FANCL: variants seen among roughly 807,000 people sequenced by gnomAD.
FANCL encodes FA complementation group L, also known as E3 ubiquitin-protein ligase FANCL.
Under a neutral mutation model 59.4 loss-of-function variants are expected in FANCL, and 69 were observed. That is an observed-to-expected ratio of 1.16 (90% confidence interval 0.96 to 1.42). The LOEUF (loss-of-function observed/expected upper bound fraction) is 1.42. Among genes scored for constraint, FANCL ranks in the 40% most tolerant of loss-of-function variants. FANCL has a pLI of 0.00. For synonymous variants in FANCL, 180 were observed against 147.1 expected, an observed-to-expected ratio of 1.22 and a Z score of -1.62; for missense variants, 519 against 447.2, an observed-to-expected ratio of 1.16 and a Z score of -1.45.
At chr2:58,174,724 A>T (rs1410926394) in intron 7 of FANCL, among the ~76,000 whole-genome samples, 1 of 152,212 alleles carries the variant, frequency 6.6e-6, no homozygotes, top group East Asian at 1.9e-4. Context: ...TCACAATTAA[A>T]AGAACTAGAA....
intron 1 of FANCL, 113 bp downstream of exon 1, chr2:58,241,105 C>G: frequency 8.9e-7 from 1 of 1,118,372 alleles, no homozygotes; most frequent in Non-Finnish European, 1.3e-6. Context: ...ACGCGCCGCC[C>G]CTCTCAATCC....
chr2:58,207,386 TAGTTA>T (rs922029412), intron 5 of FANCL, among the ~76,000 whole-genome samples: 3 of 152,168 alleles, frequency 2.0e-5, no homozygotes, highest in African/African-American at 7.2e-5. Flanking sequence ...GTGGGTTTTT[TAGTTA>T]AGTTAATTTA....
intron 11 of FANCL, 129 bp from the exon 12 acceptor site, chr2:58,161,767 A>G: frequency 1.5e-6 from 1 of 671,364 alleles, no homozygotes; most frequent in Non-Finnish European, 2.7e-6. Context: ...AGGATAATTA[A>G]GATATTCATC....
intron 3 of FANCL, 73 bp from the exon 4 acceptor site, chr2:58,226,857 T>A: frequency 8.0e-7 from 1 of 1,246,388 alleles, no homozygotes; most frequent in Non-Finnish European, 1.2e-6. Context: ...TAAAAAAATG[T>A]AGGCCCAAGT....
intron 7 of FANCL, among the ~76,000 whole-genome samples, chr2:58,170,611 T>C (rs1339296712): frequency 2.0e-5 from 3 of 151,822 alleles, no homozygotes; most frequent in African/African-American, 7.3e-5. Context: ...CTATGCTGTA[T>C]TCAGGAGATC....
chr2:58,186,293 C>G (rs1323266677), intron 7 of FANCL, among the ~76,000 whole-genome samples: 1 of 152,098 alleles, frequency 6.6e-6, no homozygotes, highest in African/African-American at 2.4e-5. Flanking sequence ...AGGTAAATTT[C>G]TGGGCCATAA....
intron 7 of FANCL, among the ~76,000 whole-genome samples, chr2:58,186,155 A>C (rs1428764793): frequency 6.6e-6 from 1 of 152,204 alleles, no homozygotes; most frequent in East Asian, 1.9e-4. Flanking sequence ...TTTGATTTAT[A>C]AATTGATTTT....
intron 5 of FANCL, among the ~76,000 whole-genome samples, chr2:58,206,894 C>T (rs1690642549): frequency 6.6e-6 from 1 of 152,134 alleles, no homozygotes; most frequent in Admixed American, 6.6e-5. Flanking sequence ...AGAAAGAAAC[C>T]TTACTGTGAT....
chr2:58,169,528 G>A (rs1686321704), intron 7 of FANCL, among the ~76,000 whole-genome samples: 1 of 151,990 alleles, frequency 6.6e-6, no homozygotes, highest in South Asian at 2.1e-4. Flanking sequence ...GCCAGCAAGG[G>A]AACAAAACTG....
chr2:58,215,702 G>C (rs1253332447), intron 5 of FANCL, among the ~76,000 whole-genome samples: 1 of 136,476 alleles, frequency 7.3e-6, no homozygotes, highest in Non-Finnish European at 1.5e-5. Context: ...GCTATTAAGT[G>C]GCAAAAAAAA....
At chr2:58,241,332 A>G, upstream of FANCL, 2 of 1,613,184 alleles carry the variant, frequency 1.2e-6, no homozygotes, top group Non-Finnish European at 1.7e-6. Context: ...GTCCGGAGAA[A>G]CACAGAAAAG....
chr2:58,198,238 A>G (rs914135790), intron 7 of FANCL, among the ~76,000 whole-genome samples: 2 of 152,202 alleles, frequency 1.3e-5, no homozygotes, highest in Admixed American at 1.3e-4. Context: ...TATAATGACT[A>G]CCTAAGTAAA....
At chr2:58,213,110 C>T (rs1691343622) in intron 5 of FANCL, among the ~76,000 whole-genome samples, 1 of 152,096 alleles carries the variant, frequency 6.6e-6, no homozygotes, top group Non-Finnish European at 1.5e-5. Context: ...GACAAATCTA[C>T]AAGATTATTA....
chr2:58,205,800 A>C (rs1690527966), intron 5 of FANCL, among the ~76,000 whole-genome samples: 4 of 152,104 alleles, frequency 2.6e-5, no homozygotes, highest in Non-Finnish European at 1.5e-5. Context: ...AGTATGACTG[A>C]TATACTGGCA....
chr2:58,177,174 C>G (rs1438734549), intron 7 of FANCL, among the ~76,000 whole-genome samples: 1 of 152,294 alleles, frequency 6.6e-6, no homozygotes, highest in Admixed American at 6.5e-5. Flanking sequence ...CACTTTTACA[C>G]TGTTGGTGGG....
intron 7 of FANCL, among the ~76,000 whole-genome samples, chr2:58,185,762 G>T (rs964507970): frequency 6.6e-6 from 1 of 152,038 alleles, no homozygotes; most frequent in Non-Finnish European, 1.5e-5. Flanking sequence ...TTGAATTATT[G>T]CTTAAGAAGC....
chr2:58,186,315 A>G (rs1178345354), intron 7 of FANCL, among the ~76,000 whole-genome samples: 1 of 152,156 alleles, frequency 6.6e-6, no homozygotes, highest in Non-Finnish European at 1.5e-5. Context: ...TATGATTGGT[A>G]TATTTGGACC....
chr2:58,205,848 G>A (rs1387865048), intron 5 of FANCL, among the ~76,000 whole-genome samples: 1 of 151,916 alleles, frequency 6.6e-6, no homozygotes, highest in East Asian at 1.9e-4. Flanking sequence ...ATAAAAGGGG[G>A]AAGAAGAAAC....
At chr2:58,227,096 A>G (rs1693083440) in intron 3 of FANCL, among the ~76,000 whole-genome samples, 1 of 152,210 alleles carries the variant, frequency 6.6e-6, no homozygotes, top group Admixed American at 6.5e-5. Flanking sequence ...CTTGCAGGGC[A>G]TGCGATGGGA....
Sources: allele counts gnomAD v4.1 joint callset (sites outside exome capture counted in the v4.1 genomes callset), GRCh38; gene constraint gnomAD v4.1.1; transcripts MANE v1.5; gene names NCBI Gene and HGNC (gene_info 2026-07-23, HGNC 2026-07-21).